The following TMEM63C variants were observed in gnomAD, a reference collection of about 807,000 sequenced individuals.
The protein encoded by TMEM63C is osmosensitive cation channel TMEM63C.
In TMEM63C, 32 loss-of-function variants were observed where a neutral mutation model predicts 99.2. That is an observed-to-expected ratio of 0.32 (90% confidence interval 0.24 to 0.43). The LOEUF (loss-of-function observed/expected upper bound fraction) is 0.43, where lower values mean the gene tolerates loss of function less well. TMEM63C is among the 20% of genes least tolerant of loss of function. The pLI, the probability that TMEM63C is intolerant of heterozygous loss-of-function variation, is 1.00. For missense variants in TMEM63C, 826 were observed against 1,053.0 expected, an observed-to-expected ratio of 0.78 and a Z score of 2.98; for synonymous variants, 376 against 397.9, an observed-to-expected ratio of 0.94 and a Z score of 0.66.
chr14:77,187,608 T>TG (rs923606670), intron 1 of TMEM63C, among the ~76,000 whole-genome samples: 4 of 152,214 alleles, frequency 2.6e-5, no homozygotes, highest in Admixed American at 6.5e-5. Context: ...GCCCCTGGCC[T>TG]GGGTCACAGA....
At chr14:77,190,772 T>C (rs1267640669) in intron 1 of TMEM63C, among the ~76,000 whole-genome samples, 2 of 152,210 alleles carry the variant, frequency 1.3e-5, no homozygotes, top group Non-Finnish European at 2.9e-5. Context: ...GGATATTGCT[T>C]AACATGATTT....
intron 16 of TMEM63C, 34 bp from the exon 17 acceptor site, chr14:77,245,906 G>A (rs375396512): frequency 9.8e-5 from 150 of 1,530,786 alleles, no homozygotes; most frequent in African/African-American, 1.6e-4. Flanking sequence ...ATTAGGCCAC[G>A]TCCATTGATG....
intron 23 of TMEM63C, among the ~76,000 whole-genome samples, chr14:77,256,150 A>C (rs571815517): frequency 2.0e-5 from 3 of 152,314 alleles, no homozygotes; most frequent in Admixed American, 2.0e-4. Context: ...GTGCTGCTGA[A>C]GCTGTATTAG....
chr14:77,212,347 A>T (rs1888508554), intron 1 of TMEM63C: 1 of 152,234 alleles, frequency 6.6e-6, no homozygotes, highest in African/African-American at 2.4e-5. Context: ...CAGTGGCTTC[A>T]GAGAGCCTGA....
At chr14:77,227,134 T>A (rs1888842798) in intron 6 of TMEM63C, among the ~76,000 whole-genome samples, 1 of 152,120 alleles carries the variant, frequency 6.6e-6, no homozygotes, top group African/African-American at 2.4e-5. Flanking sequence ...AGAGAGCCAA[T>A]TAGTATTTTT....
At chr14:77,246,898 G>T (rs144650876) in intron 18 of TMEM63C, among the ~76,000 whole-genome samples, 245 of 152,304 alleles carry the variant, frequency 1.6e-3, no homozygotes, top group African/African-American at 5.5e-3. Flanking sequence ...TGAAATAATT[G>T]TATAGTCACA....
At chr14:77,205,103 A>C (rs529814762) in intron 1 of TMEM63C, among the ~76,000 whole-genome samples, 3 of 152,340 alleles carry the variant, frequency 2.0e-5, no homozygotes, top group African/African-American at 7.2e-5. Flanking sequence ...TGGGACTGGC[A>C]TATGCAAAGG....
In TMEM63C at chr14:77,256,859, C is replaced by G; in HGVS notation, c.*133C>G. The G allele has an allele frequency of 1.2e-6, 1 of 822,260 alleles. No homozygotes were observed. Among genetic ancestry groups the G allele is most frequent in the Non-Finnish European group, 1.9e-6 (1 of 532,982 alleles). 50.9% of individuals were successfully genotyped at this position (822,260 alleles called of 1,614,324 possible). A position where few individuals can be genotyped will look rare whatever the true frequency, so the allele number is the denominator to read the frequency against. On this transcript the variant is annotated 3_prime_UTR_variant, in exon 24 of 24. Transcript: ENST00000298351. ...GAGAAGCCCACAGTGGAGACATCCA[C>G]CACCCCAGCCATGGGCCATACGGGG...
At chr14:77,213,109 C>T (rs1443131535) in intron 1 of TMEM63C, among the ~76,000 whole-genome samples, 2 of 152,174 alleles carry the variant, frequency 1.3e-5, no homozygotes, top group Admixed American at 6.5e-5. Context: ...TTCCTCAAAA[C>T]GTTATATTCA....
intron 1 of TMEM63C, among the ~76,000 whole-genome samples, chr14:77,182,959 C>T (rs1887938898): frequency 6.6e-6 from 1 of 152,188 alleles, no homozygotes; most frequent in Non-Finnish European, 1.5e-5. Flanking sequence ...CATCTCTTAG[C>T]ACCACCCTCT....
chr14:77,209,329 T>C (rs1226216236), intron 1 of TMEM63C, among the ~76,000 whole-genome samples: 4 of 152,156 alleles, frequency 2.6e-5, no homozygotes, highest in Non-Finnish European at 5.9e-5. Flanking sequence ...CAATGTGCGC[T>C]ATGTGGGGGC....
chr14:77,196,740 T>G (rs1369538902), intron 1 of TMEM63C, among the ~76,000 whole-genome samples: 17 of 152,242 alleles, frequency 1.1e-4, no homozygotes, highest in Non-Finnish European at 7.3e-5. Flanking sequence ...CAATCTCTTT[T>G]TACTTCTCAA....
At chr14:77,183,616 G>A (rs924548623) in intron 1 of TMEM63C, among the ~76,000 whole-genome samples, 3 of 152,162 alleles carry the variant, frequency 2.0e-5, no homozygotes, top group East Asian at 1.9e-4. Context: ...TCTCCGGATC[G>A]GGGGTTTGGG....
rs1411818339 is a variant in TMEM63C, at chr14:77,219,832, CAG to C, written c.231-173_231-172del. Among the ~76,000 whole-genome samples, 6 of 152,346 alleles carry C rather than the reference CAG, an allele frequency of 3.9e-5. No individual in the cohort carries two copies. In the South Asian group the frequency reaches 1.0e-3, roughly 26 times the overall value. ...TCCCAGATGCCTGGTGTACCTGGCACAGGGGCGATTGCTGTCTGTGCCCAGAG... is the reference window on the plus strand; with the variant it reads ...TCCCAGATGCCTGGTGTACCTGGCACGGGCGATTGCTGTCTGTGCCCAGAG... On this transcript the variant is annotated intron_variant, in intron 4 of 23. Coordinates refer to ENST00000298351, the MANE Select transcript of TMEM63C (RefSeq NM_020431.4).
intron 1 of TMEM63C, among the ~76,000 whole-genome samples, chr14:77,198,121 C>G (rs1267511626): frequency 6.6e-6 from 1 of 152,242 alleles, no homozygotes; most frequent in Non-Finnish European, 1.5e-5. Flanking sequence ...CAGGCAGTGA[C>G]CGCAGTTATA....
chr14:77,200,249 C>T (rs1888277868), intron 1 of TMEM63C, among the ~76,000 whole-genome samples: 1 of 152,200 alleles, frequency 6.6e-6, no homozygotes, highest in Non-Finnish European at 1.5e-5. Context: ...GGAGTTTGTG[C>T]TCTAGTTGAG....
chr14:77,239,153 G>T (rs918072972), intron 10 of TMEM63C, among the ~76,000 whole-genome samples: 3 of 152,238 alleles, frequency 2.0e-5, no homozygotes, highest in African/African-American at 4.8e-5. Context: ...TTCGTGAACA[G>T]CTGTCTCCTG....
rs1031176015 is a variant in TMEM63C at position 77,220,076 on chromosome 14, C to T, written c.301C>T (p.Arg101Cys). Residue 101 changes from arginine to cysteine, a missense_variant, in exon 5 of 24, where the codon CGC (arginine) becomes TGC (cysteine). Arg to Cys is a radical substitution (Grantham distance 180). Transcript: ENST00000298351. ...SPSETSLEME[R>C]RDKGFCSWFF... is the part of the protein sequence containing the mutation. ...CTCGGAGACTTCCTTGGAGATGGAA[C>T]GCAGAGACAAGGTGAGTGCTGGGAG... is the stretch of plus-strand genomic sequence containing the variant. 3.9e-6 allele frequency: 6 copies of T among 1,558,298 alleles called. No homozygotes were observed. Among genetic ancestry groups the T allele is most frequent in the East Asian group, 2.4e-5 (1 of 41,434 alleles).
chr14:77,192,275 T>C (rs1203392570), intron 1 of TMEM63C, among the ~76,000 whole-genome samples: 3 of 152,150 alleles, frequency 2.0e-5, no homozygotes, highest in African/African-American at 7.2e-5. Flanking sequence ...TCACAATAAC[T>C]CCATGCAGAT....
Sources: allele counts gnomAD v4.1 joint callset (sites outside exome capture counted in the v4.1 genomes callset), GRCh38; gene constraint gnomAD v4.1.1; transcripts MANE v1.5; gene names NCBI Gene and HGNC (gene_info 2026-07-23, HGNC 2026-07-21).